Variants in SPAG16 observed in about 807,000 individuals in gnomAD.
The protein encoded by SPAG16 is sperm associated antigen 16, also known as sperm-associated antigen 16 protein.
SPAG16 carries 86 observed loss-of-function variants against 80.4 expected under a neutral mutation model. The ratio of observed to expected loss-of-function variants is 1.07; its 90% CI spans 0.90 to 1.28. The LOEUF is 1.28. SPAG16 is among the 50% of genes most tolerant of loss of function. SPAG16 has a pLI of 0.00. For synonymous variants in SPAG16, 294 were observed against 265.9 expected (o/e 1.11, Z -1.03); for missense variants, 870 against 765.3 (o/e 1.14, Z -1.61).
intron 9 of SPAG16, among the ~76,000 whole-genome samples, chr2:213,429,557 A>C (rs2070159737): frequency 6.6e-6 from 1 of 152,182 alleles, no homozygotes; most frequent in African/African-American, 2.4e-5. Flanking sequence ...TCCAATACAA[A>C]ATTTACTGGC....
intron 9 of SPAG16, among the ~76,000 whole-genome samples, chr2:213,431,644 C>T (rs903256751): frequency 6.6e-6 from 1 of 151,908 alleles, no homozygotes; most frequent in Non-Finnish European, 1.5e-5. Flanking sequence ...GATAGCAACA[C>T]AATAAGTGCA....
intron 10 of SPAG16, among the ~76,000 whole-genome samples, chr2:213,740,782 T>G (rs542364371): frequency 8.5e-5 from 13 of 152,146 alleles, no homozygotes; most frequent in African/African-American, 2.4e-4. Context: ...GGGGTAAAGA[T>G]GGGGCGTGAA....
intron 13 of SPAG16, among the ~76,000 whole-genome samples, chr2:214,090,050 C>T (rs942337527): frequency 6.6e-6 from 1 of 151,824 alleles, no homozygotes; most frequent in African/African-American, 2.4e-5. Context: ...GGAATATATT[C>T]ATTGATAACA....
intron 11 of SPAG16, among the ~76,000 whole-genome samples, chr2:213,872,449 A>C (rs2075990057): frequency 6.6e-6 from 1 of 152,156 alleles, no homozygotes; most frequent in Non-Finnish European, 1.5e-5. Context: ...TCAATATACA[A>C]CTTTGATGAG....
chr2:214,282,612 A>G (rs1277639240), intron 15 of SPAG16, among the ~76,000 whole-genome samples: 1 of 152,178 alleles, frequency 6.6e-6, no homozygotes, highest in Non-Finnish European at 1.5e-5. Context: ...TAAGATTTTA[A>G]AGAAATACCG....
intron 2 of SPAG16, 32 bp from the exon 3 acceptor site, chr2:213,297,230 T>A: frequency 6.5e-7 from 1 of 1,548,658 alleles, no homozygotes; most frequent in Non-Finnish European, 8.8e-7. Context: ...TTCTGCTCAC[T>A]CTTCCTATCC....
intron 10 of SPAG16, among the ~76,000 whole-genome samples, chr2:213,820,402 A>G (rs560090691): frequency 1.3e-5 from 2 of 152,098 alleles, no homozygotes; most frequent in Admixed American, 1.3e-4. Flanking sequence ...TAGCTTACAG[A>G]TTCTTCAGTA....
intron 15 of SPAG16, among the ~76,000 whole-genome samples, chr2:214,286,571 A>AC (rs1394182201): frequency 6.6e-6 from 1 of 152,082 alleles, no homozygotes; most frequent in Non-Finnish European, 1.5e-5. Context: ...ACCTGCCAAA[A>AC]CCCTGTCTCT....
chr2:214,093,440 T>TA (rs397987725), intron 13 of SPAG16, among the ~76,000 whole-genome samples: 1 of 151,954 alleles, frequency 6.6e-6, no homozygotes, highest in East Asian at 1.9e-4. Context: ...TATATATATA[T>TA]TTCACTTGAT....
At chr2:213,552,117 C>G (rs1228686062) in intron 10 of SPAG16, among the ~76,000 whole-genome samples, 2 of 152,150 alleles carry the variant, frequency 1.3e-5, no homozygotes, top group African/African-American at 4.8e-5. Context: ...CTATCAGAAG[C>G]TTATTTTTCC....
At chr2:214,271,852 C>CA (rs145432073) in intron 15 of SPAG16, among the ~76,000 whole-genome samples, 5 of 140,710 alleles carry the variant, frequency 3.6e-5, no homozygotes, top group African/African-American at 8.4e-5. Context: ...ACCCCCCCCC[C>CA]AAAAAAAAAG....
chr2:214,044,670 C>T (rs2049215545), intron 13 of SPAG16, among the ~76,000 whole-genome samples: 1 of 152,196 alleles, frequency 6.6e-6, no homozygotes, highest in Non-Finnish European at 1.5e-5. Flanking sequence ...ATTGCCACCC[C>T]TCCTTCATCC....
intron 9 of SPAG16, among the ~76,000 whole-genome samples, chr2:213,465,967 C>A (rs550905114): frequency 6.6e-6 from 1 of 152,288 alleles, no homozygotes; most frequent in East Asian, 1.9e-4. Context: ...AAGGCAGACC[C>A]ACCCTCAATC....
At chr2:213,702,583 A>G (rs1206166098) in intron 10 of SPAG16, among the ~76,000 whole-genome samples, 1 of 152,190 alleles carries the variant, frequency 6.6e-6, no homozygotes, top group Non-Finnish European at 1.5e-5. Context: ...AGTTCCGGAC[A>G]CAATAATATT....
At chr2:213,824,270 G>A (rs1376285559) in intron 10 of SPAG16, among the ~76,000 whole-genome samples, 3 of 152,000 alleles carry the variant, frequency 2.0e-5, no homozygotes, top group Non-Finnish European at 4.4e-5. Flanking sequence ...ATACTACAAG[G>A]CTATGGTACT....
Position 213,804,793 on chromosome 2 carries a change from C to G in SPAG16, c.1071-57692C>G, listed in dbSNP as rs530425776. Among the ~76,000 whole-genome samples the G allele has an allele frequency of 7.9e-5, 12 of 152,212 alleles. No individual in the cohort carries two copies. The East Asian group carries it at 2.3e-3, about 29-fold the overall frequency. On this transcript the variant is annotated intron_variant, in intron 10 of 15. Coordinates refer to ENST00000331683, the MANE Select transcript of SPAG16 (RefSeq NM_024532.5). ...GTGCGGGATGGTGAGAATAAGAAAC[C>G]AAGAGAAGACGGATGTGCCTGAAAG...
chr2:213,418,956 C>G (rs1020901341), intron 9 of SPAG16, among the ~76,000 whole-genome samples: 9 of 143,208 alleles, frequency 6.3e-5, no homozygotes, highest in African/African-American at 2.0e-4. Flanking sequence ...AGTATTTGAT[C>G]AATTTCTTTA....
At chr2:213,535,722 TTAAAAGTCTCTATCA>T (rs1457688069) in intron 10 of SPAG16, among the ~76,000 whole-genome samples, 2 of 152,150 alleles carry the variant, frequency 1.3e-5, no homozygotes, top group Non-Finnish European at 2.9e-5. Context: ...GTATACGAAT[TTAAAAGTCTCTATCA>T]TAAGAAGAAA....
chr2:213,405,029 A>T (rs1207705018), intron 9 of SPAG16, among the ~76,000 whole-genome samples: 2 of 152,182 alleles, frequency 1.3e-5, no homozygotes, highest in African/African-American at 4.8e-5. Flanking sequence ...TATGGTTGCT[A>T]GCTCCTATAC....
Sources: allele counts gnomAD v4.1 joint callset (sites outside exome capture counted in the v4.1 genomes callset), GRCh38; gene constraint gnomAD v4.1.1; transcripts MANE v1.5; gene names NCBI Gene and HGNC (gene_info 2026-07-23, HGNC 2026-07-21).